Variants in RBBP6 observed in about 807,000 individuals in gnomAD.
RBBP6 encodes E3 ubiquitin-protein ligase RBBP6.
A neutral mutation model predicts 167.7 loss-of-function variants in RBBP6; 25 were observed. That is an observed-to-expected ratio of 0.15 (90% CI 0.11 to 0.21). RBBP6 has a LOEUF of 0.21. Ranked by LOEUF, RBBP6 falls within the 10% of genes least tolerant of loss-of-function variation. RBBP6 has a pLI of 1.00. For synonymous variants in RBBP6, 789 were observed against 735.8 expected, an observed-to-expected ratio of 1.07 and a Z score of -1.17; for missense variants, 1,868 against 2,134.2, an observed-to-expected ratio of 0.88 and a Z score of 2.46.
At chr16:24,561,254 TAA>T (rs1294985325) in intron 8 of RBBP6, among the ~76,000 whole-genome samples, 4 of 143,720 alleles carry the variant, frequency 2.8e-5, no homozygotes, top group African/African-American at 2.5e-5. Flanking sequence ...GACATTTGTT[TAA>T]AAAAAAAAAA....
In RBBP6 at chr16:24,541,193, CA is replaced by C. The variant is rs200963939; in HGVS notation, c.166+411del. On this transcript the variant is annotated intron_variant, in intron 1 of 17. Coordinates refer to ENST00000319715, the MANE Select transcript of RBBP6 (RefSeq NM_006910.5). ...TTTGTTCAATCAGCAAAAAAAAAAA[CA>C]AAAAAAAAACCAAAAAAACAATTTT... Among the ~76,000 whole-genome samples, 85 of 72,400 alleles carry C rather than the reference CA, an allele frequency of 1.2e-3. 2 individuals carry two copies. Among genetic ancestry groups the C allele is most frequent in the East Asian group, 3.7e-3 (13 of 3,544 alleles). The allele number at this position is 72,400 out of a possible 152,430, so 47.5% of individuals were successfully genotyped here. A position where few individuals can be genotyped will look rare whatever the true frequency, so the allele number is the denominator to read the frequency against.
At chr16:24,552,694 A>G (rs1898825298) in intron 3 of RBBP6, among the ~76,000 whole-genome samples, 1 of 151,860 alleles carries the variant, frequency 6.6e-6, no homozygotes, top group Non-Finnish European at 1.5e-5. Context: ...TTTTACACAA[A>G]GATGCCTCTT....
In RBBP6 at chr16:24,572,385, C is replaced by T; in HGVS notation, c.5319C>T (p.Asn1773=). Residue 1773 remains asparagine (N), a synonymous_variant, in exon 18 of 18, where the codon AAC becomes AAT. Coordinates refer to ENST00000319715, the MANE Select transcript of RBBP6 (RefSeq NM_006910.5). ...HKHKKKKSKK[N]KDKEKEKEKD... is the part of the protein sequence containing the mutation. Reference sequence around the variant, plus strand: ...ACAAGAAAAAGAAGTCAAAGAAGAACAAAGATAAAGAGAAGGAGAAGGAGA... The same window carrying T: ...ACAAGAAAAAGAAGTCAAAGAAGAATAAAGATAAAGAGAAGGAGAAGGAGA... The T allele has an allele frequency of 6.5e-7, 1 of 1,547,764 alleles. No homozygotes were observed. The highest frequency in any genetic ancestry group is 8.7e-7 in the Non-Finnish European group (1 of 1,145,854).
In RBBP6 at chr16:24,572,168, G is replaced by T. The variant is rs373314394; in HGVS notation, c.5102G>T (p.Ser1701Ile). 2.5e-6 allele frequency: 4 copies of T among 1,614,014 alleles called. No individual in the cohort carries two copies. The highest frequency in any genetic ancestry group is 3.4e-6 in the Non-Finnish European group (4 of 1,180,034). Reference protein sequence around the residue: ...QSHSSPSVSPSRSHSPSGSQT... With the variant: ...QSHSSPSVSPIRSHSPSGSQT... ...CACAGCAGCCCCAGCGTCAGCCCCAGCAGAAGCCACAGTCCTTCTGGAAGC... is the reference window on the plus strand; with the variant it reads ...CACAGCAGCCCCAGCGTCAGCCCCATCAGAAGCCACAGTCCTTCTGGAAGC... Residue 1701 changes from serine to isoleucine, a missense_variant, in exon 18 of 18, where the codon AGC becomes ATC. Ser to Ile is a moderately radical substitution (Grantham distance 142, BLOSUM62 -2). Coordinates refer to ENST00000319715, the MANE Select transcript of RBBP6 (RefSeq NM_006910.5).
intron 16 of RBBP6, 30 bp from the exon 17 acceptor site, chr16:24,568,715 C>G (rs1443485008): frequency 3.2e-6 from 5 of 1,576,422 alleles, no homozygotes; most frequent in Non-Finnish European, 4.3e-6. Context: ...TATTTCTCAA[C>G]TATCAACTAT....
At position 24,569,423 on chromosome 16, in the gene RBBP6, G is replaced by A; in HGVS notation, c.2733G>A (p.Lys911=). 1.2e-6 allele frequency: 2 copies of A among 1,613,872 alleles called. No individual in the cohort carries two copies. The highest frequency in any genetic ancestry group is 1.7e-6 in the Non-Finnish European group (2 of 1,179,984). ...KLSARDGHNQ[K]DNTKSKEKES... is the part of the protein sequence containing the mutation. Reference sequence around the variant, plus strand: ...CAGCAAGAGATGGTCACAATCAGAAGGATAATACAAAGTCAAAAGAGAAGG... The same window carrying A: ...CAGCAAGAGATGGTCACAATCAGAAAGATAATACAAAGTCAAAAGAGAAGG... Residue 911 remains lysine, a synonymous_variant, in exon 17 of 18, where the codon AAG becomes AAA. Coordinates refer to ENST00000319715, the MANE Select transcript of RBBP6 (RefSeq NM_006910.5).
At chr16:24,547,160 G>A (rs1438304841) in intron 2 of RBBP6, among the ~76,000 whole-genome samples, 1 of 152,142 alleles carries the variant, frequency 6.6e-6, no homozygotes, top group East Asian at 1.9e-4. Context: ...TCTAGAATTT[G>A]CCAGTGCTAG....
chr16:24,561,583 TTTA>T, intron 8 of RBBP6, 26 bp from the exon 9 acceptor site: 1 of 1,565,518 alleles, frequency 6.4e-7, no homozygotes, highest in Non-Finnish European at 8.8e-7. Flanking sequence ...CTACTATGCT[TTTA>T]TTAATATTTG....
chr16:24,553,465 A>T lies in RBBP6; in HGVS notation c.304-48A>T, dbSNP rs754623948. The T allele has an allele frequency of 4.6e-6, 7 of 1,516,658 alleles. No individual in the cohort carries two copies. The African/African-American group carries it at 9.6e-5, about 21-fold the overall frequency. The allele number at this position is 1,516,658 out of a possible 1,614,324, so 94.0% of individuals were successfully genotyped here. A position where few individuals can be genotyped will look rare whatever the true frequency, so the allele number is the denominator to read the frequency against. On this transcript the variant is annotated intron_variant, in intron 3 of 17. Transcript: ENST00000319715. The stretch of plus-strand genomic sequence containing the variant: ...ATAGGGGCTAAATGATCACTTTAAG[A>T]TGTTTTCAGTTTGGAACTTGAATGT...
At chr16:24,546,292 A>G in intron 2 of RBBP6, 30 bp downstream of exon 2, 1 of 1,511,156 alleles carries the variant, frequency 6.6e-7, no homozygotes, top group Non-Finnish European at 8.8e-7. Flanking sequence ...TATTTCTCAA[A>G]ATAGACTTTT....
intron 2 of RBBP6, 119 bp from the exon 3 acceptor site, chr16:24,548,826 T>C: frequency 3.7e-6 from 3 of 802,008 alleles, no homozygotes; most frequent in South Asian, 3.7e-5. Flanking sequence ...GTTAAATATT[T>C]ATACCAAAGG....
At chr16:24,549,305 AT>A in intron 3 of RBBP6, 1 of 1,156,468 alleles carries the variant, frequency 8.6e-7, no homozygotes, top group South Asian at 3.7e-5. Flanking sequence ...ACATGATGAC[AT>A]GTTCTACATT....
chr16:24,572,527 T>C lies in RBBP6; in HGVS notation c.*82T>C. On this transcript the variant is annotated 3_prime_UTR_variant, in exon 18 of 18. Transcript: ENST00000319715. ...ATAATGTAAAGAGATTCAAGCCTTG[T>C]AAATAATGACATGGAAGACCCTGTG... 7.0e-7 allele frequency: 1 copy of C among 1,437,058 alleles called. No individual in the cohort carries two copies. Among genetic ancestry groups the C allele is most frequent in the East Asian group, 2.5e-5 (1 of 40,150 alleles). The allele number at this position is 1,437,058 out of a possible 1,614,324, so 89.0% of individuals were successfully genotyped here.
intron 1 of RBBP6, among the ~76,000 whole-genome samples, chr16:24,541,207 A>AAAC (rs1898486938): frequency 2.7e-5 from 4 of 148,848 alleles, no homozygotes; most frequent in African/African-American, 9.9e-5. Context: ...AAAAAAACCA[A>AAAC]AAAAACAATT....
intron 8 of RBBP6, 38 bp downstream of exon 8, chr16:24,559,715 AAT>A: frequency 6.8e-7 from 1 of 1,471,798 alleles, no homozygotes; most frequent in Non-Finnish European, 9.1e-7. Flanking sequence ...TATATTTTAG[AAT>A]ATTTGTATTT....
rs764780289 is a variant in RBBP6 at position 24,570,918 on chromosome 16, A to G, written c.3852A>G (p.Glu1284=). ...GCAGTCCTGTGCGGAAATCTGAAGA[A>G]AAAACAGATACAAAGCGAACTGTGA... ...TGGSPVRKSE[E]KTDTKRTVIK... Residue 1284 remains glutamate, a synonymous_variant, in exon 18 of 18, where the codon GAA becomes GAG. Coordinates refer to ENST00000319715, the MANE Select transcript of RBBP6 (RefSeq NM_006910.5). 4.3e-5 allele frequency: 68 copies of G among 1,587,140 alleles called. No individual in the cohort carries two copies.
rs748529386 is a variant in RBBP6, at chr16:24,571,408, A to C, written c.4342A>C (p.Lys1448Gln). The C allele has an allele frequency of 3.4e-5, 55 of 1,613,788 alleles. No individual in the cohort carries two copies. The highest frequency in any genetic ancestry group is 4.2e-5 in the Non-Finnish European group (50 of 1,179,998). ...GNFKSLSQSS[K>Q]EARTSDKHDS... Reference sequence around the variant, plus strand: ...TTTTAAAAGTCTGTCTCAATCTTCCAAAGAGGCTAGAACGTCAGATAAACA... The same window carrying C: ...TTTTAAAAGTCTGTCTCAATCTTCCCAAGAGGCTAGAACGTCAGATAAACA... Residue 1448 changes from lysine to glutamine, a missense_variant, in exon 18 of 18, where the codon AAA (lysine) becomes CAA (glutamine). Lys to Gln is a moderately conservative substitution (Grantham distance 53). Transcript: ENST00000319715.
rs1882745288 is a variant in RBBP6 at position 24,567,516 on chromosome 16, TA to T, written c.1952+13del. Reference sequence around the variant, plus strand: ...ACGACTAAAAGAAGAGTATGTATTCTAATTTGAAATTATTATACACTTTTTT... The same window carrying T: ...ACGACTAAAAGAAGAGTATGTATTCTATTTGAAATTATTATACACTTTTTT... On this transcript the variant is annotated intron_variant, in intron 15 of 17. Transcript: ENST00000319715. 2 of 1,582,550 alleles carry T rather than the reference TA, an allele frequency of 1.3e-6. No individual in the cohort carries two copies. Among genetic ancestry groups the T allele is most frequent in the Non-Finnish European group, 1.7e-6 (2 of 1,164,942 alleles).
chr16:24,540,443 G>A lies in RBBP6; in HGVS notation c.-184G>A. 2.0e-6 allele frequency: 1 copy of A among 502,288 alleles called. No homozygotes were observed. Among genetic ancestry groups the A allele is most frequent in the Non-Finnish European group, 3.5e-6 (1 of 288,286 alleles). The allele number at this position is 502,288 out of a possible 1,614,324, so 31.1% of individuals were successfully genotyped here. A position where few individuals can be genotyped will look rare whatever the true frequency, so the allele number is the denominator to read the frequency against. On this transcript the variant is annotated 5_prime_UTR_variant, in exon 1 of 18. Transcript: ENST00000319715. ...ATGAAGTGATTCTGAGTATCGGGGG[G>A]TCTCTGGATTATTGTTCTGACGAAC...
Sources: allele counts gnomAD v4.1 joint callset (sites outside exome capture counted in the v4.1 genomes callset), GRCh38; gene constraint gnomAD v4.1.1; transcripts MANE v1.5; gene names NCBI Gene and HGNC (gene_info 2026-07-23, HGNC 2026-07-21).